Variants in PDE4D observed in about 807,000 individuals in gnomAD.
The protein encoded by PDE4D is 3',5'-cyclic-AMP phosphodiesterase 4D.
A neutral mutation model predicts 87.4 loss-of-function variants in PDE4D; 24 were observed. The ratio of observed to expected loss-of-function variants is 0.27; its 90% CI spans 0.20 to 0.39. The LOEUF (loss-of-function observed/expected upper bound fraction) is 0.39, where lower values mean the gene tolerates loss of function less well. Ranked by LOEUF, PDE4D falls within the 10% of genes least tolerant of loss-of-function variation. The probability of loss-of-function intolerance (pLI) is 1.00; values close to 1 mark genes in which losing one functional copy is unlikely to be tolerated. For synonymous variants in PDE4D, 384 were observed against 383.2 expected (o/e 1.00, Z -0.02); for missense variants, 714 against 1,041.0 (o/e 0.69, Z 4.32).
intron 5 of PDE4D, among the ~76,000 whole-genome samples, chr5:59,071,499 A>C (rs1360377101): frequency 3.5e-5 from 5 of 144,918 alleles, no homozygotes; most frequent in African/African-American, 1.3e-4. Context: ...AACTTATTCT[A>C]TCATGTTTTT....
At chr5:58,994,100 T>C (rs1433487370) in intron 6 of PDE4D, among the ~76,000 whole-genome samples, 1 of 152,210 alleles carries the variant, frequency 6.6e-6, no homozygotes, top group African/African-American at 2.4e-5. Flanking sequence ...TACTGTATAA[T>C]GTTTCCTTTT....
At chr5:59,125,229 C>T in intron 5 of PDE4D, 5 of 963,352 alleles carry the variant, frequency 5.2e-6, no homozygotes, top group Non-Finnish European at 4.9e-6. Flanking sequence ...AAATTTACTG[C>T]ACTTACCCTT....
At chr5:59,022,663 T>A (rs1283213079) in intron 6 of PDE4D, among the ~76,000 whole-genome samples, 2 of 152,094 alleles carry the variant, frequency 1.3e-5, no homozygotes, top group Non-Finnish European at 2.9e-5. Flanking sequence ...GACCCTATTA[T>A]CCTTCTGTGC....
At chr5:58,993,271 CTTGT>C (rs1748352056) in intron 7 of PDE4D, 97 bp downstream of exon 7, 1 of 603,046 alleles carries the variant, frequency 1.7e-6, no homozygotes, top group African/African-American at 1.9e-5. Flanking sequence ...ACTTCTAACA[CTTGT>C]TTGGTTTCCA....
intron 1 of PDE4D, among the ~76,000 whole-genome samples, chr5:59,634,385 C>A (rs182188892): frequency 6.6e-6 from 1 of 152,256 alleles, no homozygotes; most frequent in East Asian, 1.9e-4. Context: ...ACCAAGTGGA[C>A]CTAATAGACA....
At chr5:60,043,466 A>C (rs1447959504) in intron 2 of PDE4D, among the ~76,000 whole-genome samples, 1 of 152,150 alleles carries the variant, frequency 6.6e-6, no homozygotes, top group Non-Finnish European at 1.5e-5. Context: ...ATACTCCTCG[A>C]GAAGAGCAAC....
intron 2 of PDE4D, among the ~76,000 whole-genome samples, chr5:60,060,073 A>G (rs1028158148): frequency 2.6e-5 from 4 of 152,078 alleles, no homozygotes; most frequent in Non-Finnish European, 5.9e-5. Flanking sequence ...AATAACCCCA[A>G]GTGAAGATAA....
chr5:59,990,884 C>T (rs560719731), intron 2 of PDE4D, among the ~76,000 whole-genome samples: 49 of 152,268 alleles, frequency 3.2e-4, no homozygotes, highest in Non-Finnish European at 6.5e-4. Context: ...AGGGAAACCC[C>T]ACAGTCCCAA....
intron 1 of PDE4D, chr5:60,430,300 G>A: frequency 2.1e-6 from 1 of 477,078 alleles, no homozygotes; most frequent in Admixed American, 2.1e-5. Flanking sequence ...AGTTGGAAAG[G>A]AAACTGGCCA....
chr5:60,365,912 C>G (rs2149968747), intron 1 of PDE4D, among the ~76,000 whole-genome samples: 1 of 152,084 alleles, frequency 6.6e-6, no homozygotes, highest in South Asian at 2.1e-4. Flanking sequence ...TGCATGATGG[C>G]ACATGCCTAT....
At chr5:60,108,683 C>T (rs888997737) in intron 2 of PDE4D, among the ~76,000 whole-genome samples, 1 of 152,012 alleles carries the variant, frequency 6.6e-6, no homozygotes, top group Non-Finnish European at 1.5e-5. Context: ...TGGAACAGAA[C>T]AGAGCCCTCA....
intron 2 of PDE4D, among the ~76,000 whole-genome samples, chr5:60,155,086 C>G (rs1319526535): frequency 2.0e-5 from 3 of 152,134 alleles, no homozygotes; most frequent in Non-Finnish European, 2.9e-5. Flanking sequence ...TGAAAAGTTG[C>G]ATGCAATTCT....
At chr5:60,447,164 G>GGCAT (rs1472237129) in intron 1 of PDE4D, among the ~76,000 whole-genome samples, 1 of 152,092 alleles carries the variant, frequency 6.6e-6, no homozygotes, top group Non-Finnish European at 1.5e-5. Context: ...CAGGGCAAGT[G>GGCAT]GCATGTTCTC....
intron 3 of PDE4D, among the ~76,000 whole-genome samples, chr5:59,933,279 CTT>C (rs1224597672): frequency 6.6e-6 from 1 of 152,176 alleles, no homozygotes; most frequent in Non-Finnish European, 1.5e-5. Flanking sequence ...GTCATTTACT[CTT>C]AACGCTGAAA....
chr5:58,989,089 T>C (rs1747251071), intron 10 of PDE4D, among the ~76,000 whole-genome samples: 1 of 152,110 alleles, frequency 6.6e-6, no homozygotes, highest in South Asian at 2.1e-4. Context: ...ACCAACAAGA[T>C]GCCAGTATCA....
At chr5:59,898,043 G>A (rs367998294), upstream of PDE4D, among the ~76,000 whole-genome samples, 16 of 152,040 alleles carry the variant, frequency 1.1e-4, no homozygotes, top group African/African-American at 2.2e-4. Flanking sequence ...TGTTTCCAAC[G>A]CAGTATATTA....
chr5:59,277,184 G>A (rs936039107), intron 1 of PDE4D, among the ~76,000 whole-genome samples: 2 of 152,236 alleles, frequency 1.3e-5, no homozygotes, highest in Non-Finnish European at 2.9e-5. Context: ...TCCGCCAGAG[G>A]CTCTGGCTGC....
At chr5:59,681,241 G>A (rs183955963) in intron 1 of PDE4D, among the ~76,000 whole-genome samples, 1 of 152,250 alleles carries the variant, frequency 6.6e-6, no homozygotes, top group African/African-American at 2.4e-5. Context: ...GAAGTACCTT[G>A]TACTGTCCAA....
At chr5:59,160,216 C>T (rs1780853832) in intron 5 of PDE4D, among the ~76,000 whole-genome samples, 1 of 152,068 alleles carries the variant, frequency 6.6e-6, no homozygotes, top group Admixed American at 6.6e-5. Context: ...AGGTCTTAAC[C>T]TATGTTTATC....
Sources: gnomAD v4.1 joint callset for allele counts (sites outside exome capture counted in the v4.1 genomes callset) on GRCh38, gnomAD v4.1.1 for gene constraint, MANE v1.5 for transcripts, NCBI Gene and HGNC (gene_info 2026-07-23, HGNC 2026-07-21) for gene names.